Variants in SPAG16 observed in about 807,000 individuals in gnomAD.
The protein encoded by SPAG16 is sperm associated antigen 16.
SPAG16 carries 86 observed loss-of-function variants against 80.4 expected under a neutral mutation model. The ratio of observed to expected loss-of-function variants is 1.07; its 90% confidence interval spans 0.90 to 1.28. SPAG16 has a LOEUF of 1.28. Ranked by LOEUF, SPAG16 falls within the 50% of genes most tolerant of loss-of-function variation. The pLI is 0.00. For missense variants in SPAG16, 870 were observed against 765.3 expected (o/e 1.14, Z -1.61); for synonymous variants, 294 against 265.9 (o/e 1.11, Z -1.03).
chr2:214,312,970 C>A (rs560559071), intron 15 of SPAG16, among the ~76,000 whole-genome samples: 76 of 151,896 alleles, frequency 5.0e-4, no homozygotes, highest in African/African-American at 1.7e-3. Context: ...GCAACAACTC[C>A]TTTTTTCATT....
rs2073752082 is a variant in SPAG16 at position 213,832,822 on chromosome 2, A to C, written c.1071-29663A>C. Among the ~76,000 whole-genome samples the C allele has an allele frequency of 2.6e-5, 4 of 152,238 alleles. No homozygotes were observed. The South Asian group carries it at 8.3e-4, about 32-fold the overall frequency. ...TTTCTGAAGGCCCTCACGTATGTAAATCTTCGATTAAATAAATTTGCCATG... is the reference window on the plus strand; with the variant it reads ...TTTCTGAAGGCCCTCACGTATGTAACTCTTCGATTAAATAAATTTGCCATG... On this transcript the variant is annotated intron_variant, in intron 10 of 15. Transcript: ENST00000331683.
chr2:213,627,768 C>G (rs2062010417), intron 10 of SPAG16, among the ~76,000 whole-genome samples: 1 of 152,174 alleles, frequency 6.6e-6, no homozygotes, highest in Admixed American at 6.5e-5. Flanking sequence ...AAACAGTATG[C>G]CAATGGGTAT....
chr2:214,193,817 T>G (rs1377332164), intron 15 of SPAG16, among the ~76,000 whole-genome samples: 2 of 152,082 alleles, frequency 1.3e-5, no homozygotes, highest in East Asian at 3.9e-4. Context: ...GCTATATTGG[T>G]GCAAATGTTC....
At chr2:214,001,742 A>G (rs1221023970) in intron 12 of SPAG16, among the ~76,000 whole-genome samples, 2 of 152,336 alleles carry the variant, frequency 1.3e-5, no homozygotes, top group Non-Finnish European at 2.9e-5. Flanking sequence ...ATCTGTGTAA[A>G]TAACTCTTAT....
At chr2:213,453,014 T>C (rs1430204410) in intron 9 of SPAG16, among the ~76,000 whole-genome samples, 1 of 152,232 alleles carries the variant, frequency 6.6e-6, no homozygotes, top group Non-Finnish European at 1.5e-5. Context: ...TCTTCAGATA[T>C]CAGTTCAAGC....
At chr2:214,026,656 T>C (rs1269928060) in intron 13 of SPAG16, among the ~76,000 whole-genome samples, 1 of 151,458 alleles carries the variant, frequency 6.6e-6, no homozygotes, top group Non-Finnish European at 1.5e-5. Context: ...TATATCTCCT[T>C]AGATAATAGC....
chr2:214,191,859 A>G (rs1465461658), intron 15 of SPAG16, among the ~76,000 whole-genome samples: 2 of 152,002 alleles, frequency 1.3e-5, no homozygotes, highest in East Asian at 3.9e-4. Flanking sequence ...TTTATTTGTG[A>G]TCCCAAGGGA....
At chr2:214,097,468 A>C (rs1215691995) in intron 13 of SPAG16, among the ~76,000 whole-genome samples, 1 of 152,064 alleles carries the variant, frequency 6.6e-6, no homozygotes, top group Non-Finnish European at 1.5e-5. Flanking sequence ...AGTGCACAAA[A>C]CTTTATGCTG....
intron 11 of SPAG16, among the ~76,000 whole-genome samples, chr2:213,871,202 T>G (rs1294415490): frequency 6.6e-6 from 1 of 151,982 alleles, no homozygotes; most frequent in African/African-American, 2.4e-5. Context: ...AAGAATAAAT[T>G]TCAGTCAAAA....
At chr2:214,217,304 G>T (rs975543618) in intron 15 of SPAG16, among the ~76,000 whole-genome samples, 3 of 152,168 alleles carry the variant, frequency 2.0e-5, no homozygotes, top group African/African-American at 7.2e-5. Context: ...TGCCTTACTT[G>T]TCTTGCTGCC....
In SPAG16 at chr2:213,668,403, C is replaced by CA. The variant is rs2063692382; in HGVS notation, c.1070+178314dup. Among the ~76,000 whole-genome samples the CA allele has an allele frequency of 2.0e-5, 3 of 151,836 alleles. No homozygotes were observed. In the South Asian group the frequency reaches 6.2e-4, roughly 32 times the overall value. ...TATTAAAACAATTCAGGGACTCACC[C>CA]ATGCATACAGCAATTATGATTGTGA... On this transcript the variant is annotated intron_variant, in intron 10 of 15. Coordinates refer to ENST00000331683, the MANE Select transcript of SPAG16 (RefSeq NM_024532.5).
rs36059669 is a variant in SPAG16 at position 213,620,281 on chromosome 2, G to GTTTTTTTTT, written c.1070+130212_1070+130220dup. Reference sequence around the variant, plus strand: ...AATGTAGTTAACAATAATTTATTGAGTTTTTTTTTTTTTTTTTTTTTTTTT... The same window carrying GTTTTTTTTT: ...AATGTAGTTAACAATAATTTATTGAGTTTTTTTTTTTTTTTTTTTTTTTTTTTTTTTTTT... On this transcript the variant is annotated intron_variant, in intron 10 of 15. Coordinates refer to ENST00000331683, the MANE Select transcript of SPAG16 (RefSeq NM_024532.5). Among the ~76,000 whole-genome samples the GTTTTTTTTT allele has an allele frequency of 1.4e-4, 12 of 82,822 alleles. 1 individual carries two copies. Among genetic ancestry groups the GTTTTTTTTT allele is most frequent in the African/African-American group, 5.8e-4 (11 of 18,968 alleles). The allele number at this position is 82,822 out of a possible 152,430, so 54.3% of individuals were successfully genotyped here.
intron 9 of SPAG16, among the ~76,000 whole-genome samples, chr2:213,390,207 A>T (rs563061389): frequency 1.5e-4 from 23 of 152,162 alleles, no homozygotes; most frequent in Non-Finnish European, 2.9e-4. Flanking sequence ...CAGAAGTAGA[A>T]TGATGTTTGT....
chr2:213,853,313 C>T (rs1466198359), intron 10 of SPAG16, among the ~76,000 whole-genome samples: 1 of 152,084 alleles, frequency 6.6e-6, no homozygotes, highest in Non-Finnish European at 1.5e-5. Flanking sequence ...ATAGTGTTCA[C>T]CATACACCTA....
intron 10 of SPAG16, among the ~76,000 whole-genome samples, chr2:213,777,470 G>C (rs2069671657): frequency 6.6e-6 from 1 of 151,332 alleles, no homozygotes; most frequent in South Asian, 2.1e-4. Flanking sequence ...GCAGTGGCGC[G>C]ATCTCCCCTT....
intron 9 of SPAG16, among the ~76,000 whole-genome samples, chr2:213,401,813 A>G (rs1319463891): frequency 6.6e-6 from 1 of 152,028 alleles, no homozygotes; most frequent in Non-Finnish European, 1.5e-5. Context: ...GCTTGCATTT[A>G]TCTTTCCTTG....
intron 10 of SPAG16, among the ~76,000 whole-genome samples, chr2:213,675,835 G>T (rs2064037894): frequency 6.6e-6 from 1 of 151,414 alleles, no homozygotes; most frequent in Admixed American, 6.6e-5. Flanking sequence ...CTCCAGCTTT[G>T]TTCTTTTGGC....
At chr2:213,291,069 T>G (rs2062251992) in intron 1 of SPAG16, among the ~76,000 whole-genome samples, 1 of 152,240 alleles carries the variant, frequency 6.6e-6, no homozygotes, top group Non-Finnish European at 1.5e-5. Context: ...TGGTATCTGA[T>G]TCCATGTCCC....
chr2:214,248,609 G>A (rs1690028550), intron 15 of SPAG16, among the ~76,000 whole-genome samples: 1 of 152,046 alleles, frequency 6.6e-6, no homozygotes, highest in Admixed American at 6.6e-5. Context: ...GAGCCACCAT[G>A]CCCGGCCGTG....
Sources: gnomAD v4.1 joint callset for allele counts (sites outside exome capture counted in the v4.1 genomes callset) on GRCh38, gnomAD v4.1.1 for gene constraint, MANE v1.5 for transcripts, NCBI Gene and HGNC (gene_info 2026-07-23, HGNC 2026-07-21) for gene names.